Variants in LUZP2 observed in about 807,000 individuals in gnomAD.
LUZP2 encodes the protein leucine zipper protein 2.
In LUZP2, 52 loss-of-function variants were observed where a neutral mutation model predicts 51.6. The ratio of observed to expected loss-of-function variants is 1.01; its 90% confidence interval spans 0.81 to 1.27. The LOEUF is 1.27. Among genes scored for constraint, LUZP2 ranks in the 50% most tolerant of loss-of-function variants. The pLI is 0.00. For synonymous variants in LUZP2, 154 were observed against 137.3 expected (o/e 1.12, Z -0.85); for missense variants, 436 against 395.4 (o/e 1.10, Z -0.87).
chr11:24,725,750 TTAATCTC>T (rs1291108127), intron 1 of LUZP2, among the ~76,000 whole-genome samples: 1 of 152,162 alleles, frequency 6.6e-6, no homozygotes. Context: ...TGTTGAAATC[TTAATCTC>T]TAGTACATTA....
intron 4 of LUZP2, among the ~76,000 whole-genome samples, chr11:24,755,135 A>C (rs1859726777): frequency 6.6e-6 from 1 of 151,770 alleles, no homozygotes; most frequent in African/African-American, 2.4e-5. Flanking sequence ...ACAAGAGCAA[A>C]ACTCTGTCTA....
intron 5 of LUZP2, among the ~76,000 whole-genome samples, chr11:24,795,194 C>T (rs924706672): frequency 6.6e-6 from 1 of 151,904 alleles, no homozygotes; most frequent in East Asian, 1.9e-4. Flanking sequence ...TATTAATGAC[C>T]TTTTTATTTT....
chr11:24,881,642 A>G (rs1245980211), intron 5 of LUZP2, among the ~76,000 whole-genome samples: 1 of 152,056 alleles, frequency 6.6e-6, no homozygotes, highest in African/African-American at 2.4e-5. Context: ...AGAAGTCCAA[A>G]TGTTGGATCA....
chr11:24,517,609 A>G (rs531034042), intron 1 of LUZP2, among the ~76,000 whole-genome samples: 28 of 151,840 alleles, frequency 1.8e-4, no homozygotes, highest in Non-Finnish European at 3.4e-4. Context: ...CAAAAACATT[A>G]ATCACTTCAA....
chr11:24,719,012 G>C (rs1858161941), intron 1 of LUZP2, among the ~76,000 whole-genome samples: 1 of 152,176 alleles, frequency 6.6e-6, no homozygotes, highest in Admixed American at 6.5e-5. Flanking sequence ...GGGTATATAA[G>C]AGGAAATAGA....
At chr11:24,834,804 A>G (rs1850810880) in intron 5 of LUZP2, among the ~76,000 whole-genome samples, 1 of 152,192 alleles carries the variant, frequency 6.6e-6, no homozygotes, top group African/African-American at 2.4e-5. Flanking sequence ...GTGAGATGGT[A>G]TCTCATTGTG....
At position 24,849,778 on chromosome 11, in the gene LUZP2, C is replaced by T. The variant is rs187008415; in HGVS notation, c.397-56213C>T. 1.2e-3 allele frequency among the ~76,000 whole-genome samples: 178 copies of T among 152,260 alleles called. 2 individuals are homozygous for T. Among genetic ancestry groups the T allele is most frequent in the African/African-American group, 4.0e-3 (168 of 41,560 alleles). On this transcript the variant is annotated intron_variant, in intron 5 of 11. Transcript: ENST00000336930. The stretch of plus-strand genomic sequence containing the variant: ...GCGATCCTATTTCTCCACATCCTCT[C>T]CAGCATTTGTTGTTTCCTGACATTT...
intron 7 of LUZP2, among the ~76,000 whole-genome samples, chr11:24,945,958 C>T (rs999136466): frequency 6.6e-6 from 1 of 151,996 alleles, no homozygotes. Context: ...TATTCATTTG[C>T]AGTCACTGCC....
chr11:24,572,881 GT>G (rs1465204710), intron 1 of LUZP2, among the ~76,000 whole-genome samples: 13 of 151,982 alleles, frequency 8.6e-5, no homozygotes, highest in Non-Finnish European at 1.5e-4. Context: ...AGAAAAATCT[GT>G]TTTTTCATTC....
At chr11:24,509,642 A>G (rs2133772417) in intron 1 of LUZP2, among the ~76,000 whole-genome samples, 1 of 150,266 alleles carries the variant, frequency 6.7e-6, no homozygotes, top group East Asian at 1.9e-4. Context: ...TATGTTATAT[A>G]CACAGAATAT....
chr11:24,687,490 T>C (rs1413868264), intron 1 of LUZP2, among the ~76,000 whole-genome samples: 3 of 152,190 alleles, frequency 2.0e-5, no homozygotes, highest in Non-Finnish European at 4.4e-5. Context: ...AGGTCCGTTT[T>C]ACACACTAAG....
intron 9 of LUZP2, among the ~76,000 whole-genome samples, chr11:24,994,472 G>T (rs1264199598): frequency 6.6e-6 from 1 of 152,156 alleles, no homozygotes; most frequent in African/African-American, 2.4e-5. Flanking sequence ...TCTCAATTCA[G>T]TTCCATTAAT....
At chr11:24,531,978 C>A (rs545436218) in intron 1 of LUZP2, among the ~76,000 whole-genome samples, 62 of 151,026 alleles carry the variant, frequency 4.1e-4, no homozygotes, top group Middle Eastern at 3.4e-3. Flanking sequence ...CACCGTAATC[C>A]AAGCTGCTGC....
intron 9 of LUZP2, among the ~76,000 whole-genome samples, chr11:24,995,958 A>C (rs997727903): frequency 5.9e-5 from 9 of 151,830 alleles, no homozygotes; most frequent in Admixed American, 2.6e-4. Flanking sequence ...TTAAAAATCC[A>C]GTAAAATTTT....
At chr11:24,857,500 A>C (rs7121255) in intron 5 of LUZP2, among the ~76,000 whole-genome samples, 2 of 151,162 alleles carry the variant, frequency 1.3e-5, no homozygotes, top group South Asian at 4.2e-4. Context: ...AGTCTCTTTA[A>C]CCCAAATTAT....
At chr11:24,736,778 G>A (rs1050724731) in intron 3 of LUZP2, among the ~76,000 whole-genome samples, 1 of 151,902 alleles carries the variant, frequency 6.6e-6, no homozygotes, top group African/African-American at 2.4e-5. Flanking sequence ...TATGAAGAAA[G>A]TCTGATAAAT....
At position 24,590,760 on chromosome 11, in the gene LUZP2, A is replaced by G. The variant is rs574651958; in HGVS notation, c.62+93455A>G. ...ATCATTTCCATGCCTTCTAAAATCA[A>G]TCTCAGGATATATGTGTTTTTTTTC... On this transcript the variant is annotated intron_variant, in intron 1 of 11. Transcript: ENST00000336930. 2.0e-5 allele frequency among the ~76,000 whole-genome samples: 3 copies of G among 152,208 alleles called. No individual in the cohort carries two copies. The South Asian group carries it at 6.2e-4, about 32-fold the overall frequency.
chr11:25,000,235 A>T (rs1856642248), intron 9 of LUZP2, among the ~76,000 whole-genome samples: 1 of 152,132 alleles, frequency 6.6e-6, no homozygotes, highest in African/African-American at 2.4e-5. Context: ...TAGACAGAAA[A>T]GTTCTCCAAG....
In LUZP2 at chr11:24,744,793, G is replaced by GA. The variant is rs945162180; in HGVS notation, c.333+6492dup. Among the ~76,000 whole-genome samples, 5 of 141,430 alleles carry GA rather than the reference G, an allele frequency of 3.5e-5. No homozygotes were observed. In the South Asian group the frequency reaches 7.2e-4, roughly 20 times the overall value. 92.8% of individuals were successfully genotyped at this position (141,430 alleles called of 152,430 possible). ...TTGTTTCTCTAGTTCCTTGAGGTGT[G>GA]ACCTTAGAGTGTCAGTTTGTGCTCT... is the stretch of plus-strand genomic sequence containing the variant. On this transcript the variant is annotated intron_variant, in intron 4 of 11. Transcript: ENST00000336930.
Sources: allele counts gnomAD v4.1 joint callset (sites outside exome capture counted in the v4.1 genomes callset), GRCh38; gene constraint gnomAD v4.1.1; transcripts MANE v1.5; gene names NCBI Gene and HGNC (gene_info 2026-07-23, HGNC 2026-07-21).